Variants in RO60 observed in about 807,000 individuals in gnomAD.
The protein encoded by RO60 is RNA-binding protein RO60.
In RO60, 20 loss-of-function variants were observed where a neutral mutation model predicts 55.3. The ratio of observed to expected loss-of-function variants is 0.36; its 90% CI spans 0.25 to 0.53. The LOEUF (loss-of-function observed/expected upper bound fraction) is 0.53. RO60 is among the 20% of genes least tolerant of loss of function. The pLI, the probability that RO60 is intolerant of heterozygous loss-of-function variation, is 0.92. For missense variants in RO60, 558 were observed against 646.6 expected, an observed-to-expected ratio of 0.86 and a Z score of 1.49; for synonymous variants, 213 against 213.6, an observed-to-expected ratio of 1.00 and a Z score of 0.02.
chr1:193,065,053 G>A (rs1012506656), intron 1 of RO60, among the ~76,000 whole-genome samples: 1 of 151,952 alleles, frequency 6.6e-6, no homozygotes, highest in Admixed American at 6.6e-5. Flanking sequence ...TCTGATTACA[G>A]AATTTATCTT....
intron 2 of RO60, among the ~76,000 whole-genome samples, chr1:193,070,099 A>G (rs926722725): frequency 1.3e-5 from 2 of 151,208 alleles, no homozygotes; most frequent in African/African-American, 2.4e-5. Flanking sequence ...CCTTAAGATT[A>G]TGTATAGAAA....
chr1:193,060,353 C>T (rs1231206320), intron 1 of RO60: 1 of 257,322 alleles, frequency 3.9e-6, no homozygotes, highest in Non-Finnish European at 7.8e-6. Context: ...ATGAGTTAAA[C>T]CAAATATTTA....
At chr1:193,067,486 A>C (rs553695229) in intron 1 of RO60, among the ~76,000 whole-genome samples, 10 of 151,674 alleles carry the variant, frequency 6.6e-5, no homozygotes, top group South Asian at 4.2e-4. Flanking sequence ...TGCCCGGCCC[A>C]AATTTTTTTT....
chr1:193,083,143 C>T (rs1441164712), intron 8 of RO60, among the ~76,000 whole-genome samples: 1 of 152,152 alleles, frequency 6.6e-6, no homozygotes, highest in Non-Finnish European at 1.5e-5. Context: ...ATAGACTCAG[C>T]AGTACTTAAA....
intron 1 of RO60, chr1:193,060,405 A>G (rs1202391402): frequency 9.4e-6 from 2 of 211,710 alleles, no homozygotes; most frequent in African/African-American, 4.7e-5. Context: ...AGGCTCTTAT[A>G]GAATACTATA....
intron 1 of RO60, among the ~76,000 whole-genome samples, chr1:193,061,938 C>G (rs1227390054): frequency 2.0e-5 from 3 of 150,526 alleles, no homozygotes; most frequent in East Asian, 1.9e-4. Flanking sequence ...GAGTGGAGAT[C>G]GCGCCACTAC....
chr1:193,091,717 G>A (rs983570433), downstream of RO60: 1 of 1,592,896 alleles, frequency 6.3e-7, no homozygotes, highest in African/African-American at 1.3e-5. Flanking sequence ...TGTGTGAACT[G>A]TTTTTGGTCA....
At chr1:193,072,929 T>C (rs1673622182) in intron 2 of RO60, among the ~76,000 whole-genome samples, 1 of 152,220 alleles carries the variant, frequency 6.6e-6, no homozygotes. Context: ...ATGTTAGTAA[T>C]AGCAATATCA....
rs908230985 is a variant in RO60, at chr1:193,085,997, C to T, written c.*1266C>T. The stretch of plus-strand genomic sequence containing the variant: ...CTGTTGAAATGCCATTATCTTTGCT[C>T]ATAATTTTATTATGGCCGTCTAAGG... On this transcript the variant is annotated 3_prime_UTR_variant, in exon 9 of 9. Coordinates refer to ENST00000400968, the MANE Select transcript of RO60 (RefSeq NM_001173524.2). 2.0e-6 allele frequency: 2 copies of T among 985,308 alleles called. No individual in the cohort carries two copies. The highest frequency in any genetic ancestry group is 2.4e-6 in the Non-Finnish European group (2 of 829,858). The allele number at this position is 985,308 out of a possible 1,614,324, so 61.0% of individuals were successfully genotyped here. A position where few individuals can be genotyped will look rare whatever the true frequency, so the allele number is the denominator to read the frequency against.
Position 193,069,250 on chromosome 1 carries a change from G to A in RO60, c.196G>A (p.Glu66Lys). ...TGCTGAAGCTTTAATTAGATTGATT[G>A]AAGATGGCAGAGGATGTGAAGTGAT... ...ENAEALIRLI[E>K]DGRGCEVIQE... is the part of the protein sequence containing the mutation. Residue 66 changes from glutamate (E) to lysine (K), a missense_variant, in exon 2 of 9, where the codon GAA becomes AAA. Coordinates refer to ENST00000400968, the MANE Select transcript of RO60 (RefSeq NM_001173524.2). The A allele has an allele frequency of 1.2e-6, 2 of 1,614,212 alleles. No homozygotes were observed. Among genetic ancestry groups the A allele is most frequent in the South Asian group, 1.1e-5 (1 of 91,084 alleles).
chr1:193,060,064 C>A, intron 1 of RO60: 1 of 1,317,470 alleles, frequency 7.6e-7, no homozygotes, highest in Admixed American at 2.0e-5. Flanking sequence ...CCCCACAGGC[C>A]GACGTCGAGA....
intron 1 of RO60, 30 bp from the exon 2 acceptor site, chr1:193,069,001 TCTA>T (rs1673300099): frequency 7.1e-7 from 1 of 1,413,002 alleles, no homozygotes; most frequent in Non-Finnish European, 9.8e-7. Context: ...ATTGTGCCCA[TCTA>T]GTTGTAATAA....
At chr1:193,067,728 A>G (rs1200547874) in intron 1 of RO60, among the ~76,000 whole-genome samples, 2 of 152,196 alleles carry the variant, frequency 1.3e-5, no homozygotes, top group African/African-American at 4.8e-5. Context: ...CATTAGAAGG[A>G]TAAAGAGGGA....
intron 2 of RO60, chr1:193,070,594 A>G: frequency 2.2e-6 from 1 of 450,486 alleles, no homozygotes; most frequent in African/African-American, 2.0e-5. Context: ...GTGGGTTCAC[A>G]TTTCAGTTCT....
intron 1 of RO60, among the ~76,000 whole-genome samples, chr1:193,060,741 T>C (rs993807076): frequency 6.6e-5 from 10 of 152,204 alleles, no homozygotes; most frequent in Non-Finnish European, 1.3e-4. Flanking sequence ...AAAAAAATTT[T>C]TTTTGTAACT....
intron 2 of RO60, among the ~76,000 whole-genome samples, chr1:193,071,035 G>A (rs541174010): frequency 2.6e-5 from 4 of 152,172 alleles, no homozygotes; most frequent in Non-Finnish European, 4.4e-5. Context: ...CGCAGGCAGT[G>A]GGGAGGGCAG....
chr1:193,072,676 CTTTA>C (rs1031202595), intron 2 of RO60, among the ~76,000 whole-genome samples: 3 of 152,072 alleles, frequency 2.0e-5, no homozygotes, highest in Non-Finnish European at 4.4e-5. Flanking sequence ...AGGCATCCAG[CTTTA>C]TTTATTGGTT....
intron 1 of RO60, among the ~76,000 whole-genome samples, chr1:193,068,213 G>A (rs1673248639): frequency 6.6e-6 from 1 of 152,186 alleles, no homozygotes; most frequent in South Asian, 2.1e-4. Context: ...TATTGGGCCT[G>A]GGTCAAGCAG....
At position 193,069,653 on chromosome 1, in the gene RO60, T is replaced by C. The variant is rs778258977; in HGVS notation, c.580+19T>C. On this transcript the variant is annotated intron_variant, in intron 2 of 8. Coordinates refer to ENST00000400968, the MANE Select transcript of RO60 (RefSeq NM_001173524.2). ...AGTGAAGGTAAGCATAAGATCTTCA[T>C]TGGGAAGAAGGGTGGGTAAGGGATA... 3.2e-6 allele frequency: 5 copies of C among 1,580,154 alleles called. No homozygotes were observed. Among genetic ancestry groups the C allele is most frequent in the South Asian group, 1.1e-5 (1 of 88,436 alleles).
Sources: gnomAD v4.1 joint callset for allele counts (sites outside exome capture counted in the v4.1 genomes callset) on GRCh38, gnomAD v4.1.1 for gene constraint, MANE v1.5 for transcripts, NCBI Gene and HGNC (gene_info 2026-07-23, HGNC 2026-07-21) for gene names.